Variants in ZC2HC1B observed in about 807,000 individuals in gnomAD.
The protein encoded by ZC2HC1B is zinc finger C2HC domain-containing protein 1B.
A neutral mutation model predicts 31.0 loss-of-function variants in ZC2HC1B; 36 were observed. The observed-to-expected ratio is 1.16, with a 90% confidence interval of 0.89 to 1.54. The LOEUF is 1.54. Ranked by LOEUF, ZC2HC1B falls within the 40% of genes most tolerant of loss-of-function variation. ZC2HC1B has a pLI of 0.00. For synonymous variants in ZC2HC1B, 73 were observed against 88.0 expected, an observed-to-expected ratio of 0.83 and a Z score of 0.95; for missense variants, 260 against 268.6, an observed-to-expected ratio of 0.97 and a Z score of 0.22.
At chr6:143,877,705 G>T in intron 1 of ZC2HC1B, among the ~76,000 whole-genome samples, 1 of 150,188 alleles carries the variant, frequency 6.7e-6, no homozygotes. Flanking sequence ...TCATCATTAA[G>T]ACTGGAAGAG....
rs1777248638 is a variant in ZC2HC1B, at chr6:143,865,570, C to G, written c.28+1003C>G. 6.6e-6 allele frequency among the ~76,000 whole-genome samples: 1 copy of G among 152,202 alleles called. No individual in the cohort carries two copies. Among genetic ancestry groups the G allele is most frequent in the Admixed American group, 6.5e-5 (1 of 15,292 alleles). ...TTGACGCAGAGGACTGTTTTTCAGT[C>G]TCCTCTCGCAGGACAAACCCTGAAG... On this transcript the variant is annotated intron_variant, in intron 1 of 7. Transcript: ENST00000237275. The surrounding 1 kb of genome is among the most constrained non-coding windows in gnomAD (Gnocchi z 4.4).
At position 143,917,662 on chromosome 6, in the gene ZC2HC1B, C is replaced by G. The variant is rs1777934603; in HGVS notation, c.598+14510C>G. Among the ~76,000 whole-genome samples, 1 of 152,132 alleles carries G rather than the reference C, an allele frequency of 6.6e-6. No homozygotes were observed. The highest frequency in any genetic ancestry group is 2.4e-5 in the African/African-American group (1 of 41,410). On this transcript the variant is annotated intron_variant, in intron 6 of 7. Coordinates refer to ENST00000237275, the MANE Select transcript of ZC2HC1B (RefSeq NM_001013623.3). This position sits in a 1 kb window ranked among gnomAD's most constrained non-coding sequence, Gnocchi z 4.1. ...TCCAACATCTGAAACTTTTTGAGCA[C>G]TGACATGACATGCAATTGATTTTTG...
At chr6:143,907,568 T>C (rs191308936) in intron 6 of ZC2HC1B, among the ~76,000 whole-genome samples, 1 of 152,376 alleles carries the variant, frequency 6.6e-6, no homozygotes, top group Non-Finnish European at 1.5e-5. Context: ...GTTGGCTGCA[T>C]GTATGTCTTC....
rs1385856717 is a variant in ZC2HC1B at position 143,872,804 on chromosome 6, C to A, written c.28+8237C>A. 6.6e-6 allele frequency among the ~76,000 whole-genome samples: 1 copy of A among 152,174 alleles called. No individual in the cohort carries two copies. Among genetic ancestry groups the A allele is most frequent in the African/African-American group, 2.4e-5 (1 of 41,432 alleles). ...GAATAGCATGGGAAAGACCGGCCCC[C>A]ATTTAGTTATCTTCCTCTGGGTCCC... On this transcript the variant is annotated intron_variant, in intron 1 of 7. Coordinates refer to ENST00000237275, the MANE Select transcript of ZC2HC1B (RefSeq NM_001013623.3). The surrounding 1 kb of genome is among the most constrained non-coding windows in gnomAD (Gnocchi z 5.5).
In ZC2HC1B at chr6:143,913,174, C is replaced by T. The variant is rs1224504938; in HGVS notation, c.598+10022C>T. ...ACTTCATCCCAGGGAGAGATCAGAG[C>T]TCTGTCCCTAATATGTGCAGGCAGG... On this transcript the variant is annotated intron_variant, in intron 6 of 7. Coordinates refer to ENST00000237275, the MANE Select transcript of ZC2HC1B (RefSeq NM_001013623.3). The surrounding 1 kb of genome is among the most constrained non-coding windows in gnomAD (Gnocchi z 5.7). Among the ~76,000 whole-genome samples the T allele has an allele frequency of 6.6e-6, 1 of 152,220 alleles. No individual in the cohort carries two copies. Among genetic ancestry groups the T allele is most frequent in the African/African-American group, 2.4e-5 (1 of 41,458 alleles).
chr6:143,909,826 G>A (rs934121864), intron 6 of ZC2HC1B, among the ~76,000 whole-genome samples: 5 of 152,122 alleles, frequency 3.3e-5, no homozygotes, highest in African/African-American at 9.6e-5. Flanking sequence ...CTAGCTAGCA[G>A]TCTATCTGTC....
chr6:143,892,612 C>G (rs1777614400), intron 4 of ZC2HC1B, among the ~76,000 whole-genome samples: 1 of 151,976 alleles, frequency 6.6e-6, no homozygotes. Flanking sequence ...CTCTTCTTAA[C>G]AATAAGTTAT....
chr6:143,934,683 C>T lies in ZC2HC1B; in HGVS notation c.599-2966C>T, dbSNP rs11966767. On this transcript the variant is annotated intron_variant, in intron 6 of 7. Coordinates refer to ENST00000237275, the MANE Select transcript of ZC2HC1B (RefSeq NM_001013623.3). The surrounding 1 kb of genome is among the most constrained non-coding windows in gnomAD (Gnocchi z 4.6). ...TTGATACTGGAGCATACAGTAATTG[C>T]GTGTCCATGATTTTTTGGCTGTAAT... Among the ~76,000 whole-genome samples, 861 of 152,254 alleles carry T rather than the reference C, an allele frequency of 5.7e-3. 6 individuals are homozygous for T. The highest frequency in any genetic ancestry group is 0.02 in the African/African-American group (817 of 41,520).
rs1040232158 is a variant in ZC2HC1B at position 143,917,783 on chromosome 6, T to A, written c.598+14631T>A. 1.3e-5 allele frequency among the ~76,000 whole-genome samples: 2 copies of A among 152,240 alleles called. No homozygotes were observed. The highest frequency in any genetic ancestry group is 4.8e-5 in the African/African-American group (2 of 41,454). On this transcript the variant is annotated intron_variant, in intron 6 of 7. Transcript: ENST00000237275. The surrounding 1 kb of genome is among the most constrained non-coding windows in gnomAD (Gnocchi z 4.1). ...GGTCCCAAGCATTTCAGATAAGGGA[T>A]CCTTAATTTGTGCTTTGTATAGTAA...
intron 6 of ZC2HC1B, among the ~76,000 whole-genome samples, chr6:143,928,260 AT>A (rs1186984797): frequency 6.6e-6 from 1 of 152,130 alleles, no homozygotes; most frequent in Non-Finnish European, 1.5e-5. Flanking sequence ...CGCATCATAC[AT>A]TTCAGTCTTT....
intron 6 of ZC2HC1B, among the ~76,000 whole-genome samples, chr6:143,936,145 C>A (rs1349009656): frequency 2.0e-5 from 3 of 152,100 alleles, no homozygotes; most frequent in Admixed American, 2.0e-4. Flanking sequence ...CATGTGTGTA[C>A]AAGTCAACAG....
chr6:143,904,842 A>G (rs1205084037), intron 6 of ZC2HC1B, among the ~76,000 whole-genome samples: 5 of 152,220 alleles, frequency 3.3e-5, no homozygotes, highest in African/African-American at 1.2e-4. Context: ...CAGTTTCCCC[A>G]TTCAACCAAT....
At chr6:143,910,710 T>C (rs773338049) in intron 6 of ZC2HC1B, among the ~76,000 whole-genome samples, 5 of 152,192 alleles carry the variant, frequency 3.3e-5, no homozygotes, top group Non-Finnish European at 7.3e-5. Flanking sequence ...CCCTTTACCT[T>C]TATGTAATGC....
In ZC2HC1B at chr6:143,899,665, C is replaced by T. The variant is rs753332742; in HGVS notation, c.489+974C>T. ...GTGCTAGAACTACAAGTGTGAGCAT[C>T]GTGCCTGGCCCCTACAGCCTGTTTA... On this transcript the variant is annotated intron_variant, in intron 5 of 7. Coordinates refer to ENST00000237275, the MANE Select transcript of ZC2HC1B (RefSeq NM_001013623.3). This position sits in a 1 kb window ranked among gnomAD's most constrained non-coding sequence, Gnocchi z 5.0. Among the ~76,000 whole-genome samples, 4 of 152,210 alleles carry T rather than the reference C, an allele frequency of 2.6e-5. No individual in the cohort carries two copies. The highest frequency in any genetic ancestry group is 4.8e-5 in the African/African-American group (2 of 41,456).
chr6:143,900,410 A>G (rs950293735), intron 5 of ZC2HC1B, among the ~76,000 whole-genome samples: 20 of 151,876 alleles, frequency 1.3e-4, no homozygotes, highest in Admixed American at 3.3e-4. Context: ...AAAAAAGAAA[A>G]AGAAAAGAAA....
At chr6:143,875,979 C>G (rs1245750748) in intron 1 of ZC2HC1B, among the ~76,000 whole-genome samples, 1 of 150,740 alleles carries the variant, frequency 6.6e-6, no homozygotes, top group African/African-American at 2.4e-5. Flanking sequence ...TCAGGGTCTT[C>G]CCATATGTCC....
intron 6 of ZC2HC1B, among the ~76,000 whole-genome samples, chr6:143,926,953 G>GGCGCCTGCCACC (rs1554241410): frequency 7.5e-5 from 8 of 107,190 alleles, no homozygotes; most frequent in African/African-American, 1.6e-4. Flanking sequence ...TGGGACTACA[G>GGCGCCTGCCACC]GCGCCCGGCT....
chr6:143,936,031 CT>C (rs1778174369), intron 6 of ZC2HC1B, among the ~76,000 whole-genome samples: 1 of 152,050 alleles, frequency 6.6e-6, no homozygotes, highest in Non-Finnish European at 1.5e-5. Context: ...AGTTAGCCTC[CT>C]AAAACTCGGG....
chr6:143,886,041 G>T lies in ZC2HC1B; in HGVS notation c.100G>T (p.Gly34Ter). 2 of 1,531,388 alleles carry T rather than the reference G, an allele frequency of 1.3e-6. No individual in the cohort carries two copies. Among genetic ancestry groups the T allele is most frequent in the South Asian group, 1.2e-5 (1 of 80,066 alleles). The allele number at this position is 1,531,388 out of a possible 1,614,324, so 94.9% of individuals were successfully genotyped here. A position where few individuals can be genotyped will look rare whatever the true frequency, so the allele number is the denominator to read the frequency against. ...RFAADVLERH[G>*]PICKKLFNRK... ...ACTCTTCGTTTTCTAGGAAAGGCAT[G>T]GACCAATATGTAAGAAACTCTTCAA... is the stretch of plus-strand genomic sequence containing the variant. Residue 34 changes from glycine to a stop codon, truncating the protein, a stop_gained, in exon 3 of 8, where the codon GGA becomes TGA. Coordinates refer to ENST00000237275, the MANE Select transcript of ZC2HC1B (RefSeq NM_001013623.3). LOFTEE classifies it high-confidence loss of function. The surrounding 1 kb of genome is among the most constrained non-coding windows in gnomAD (Gnocchi z 4.2).
Sources: allele counts gnomAD v4.1 joint callset (sites outside exome capture counted in the v4.1 genomes callset), GRCh38; gene constraint gnomAD v4.1.1; non-coding constraint Gnocchi (gnomAD v3.1); transcripts MANE v1.5; gene names NCBI Gene and HGNC (gene_info 2026-07-23, HGNC 2026-07-21).